The following BCL7A variants were observed in gnomAD, a reference collection of about 807,000 sequenced individuals.
The protein encoded by BCL7A is B-cell CLL/lymphoma 7 protein family member A.
A neutral mutation model predicts 28.4 loss-of-function variants in BCL7A; 11 were observed. That is an observed-to-expected ratio of 0.39 (90% CI 0.24 to 0.64). The LOEUF is 0.64. Ranked by LOEUF, BCL7A falls within the 30% of genes least tolerant of loss-of-function variation. BCL7A has a pLI of 0.50. For missense variants in BCL7A, 222 were observed against 274.8 expected (o/e 0.81, Z 1.36); for synonymous variants, 123 against 103.3 (o/e 1.19, Z -1.15).
At chr12:122,035,266 C>A in intron 2 of BCL7A, 65 bp from the exon 3 acceptor site, 1 of 1,422,916 alleles carries the variant, frequency 7.0e-7, no homozygotes, top group Non-Finnish European at 9.9e-7. Flanking sequence ...TCCCCAGGGG[C>A]TCTGAGCACG....
At chr12:122,038,917 G>A (rs1294972411) in intron 3 of BCL7A, among the ~76,000 whole-genome samples, 2 of 152,078 alleles carry the variant, frequency 1.3e-5, no homozygotes, top group East Asian at 3.8e-4. Flanking sequence ...GCTCACACCT[G>A]TAATCCCAGC....
chr12:122,035,201 C>T (rs1010901303), intron 2 of BCL7A, 130 bp from the exon 3 acceptor site: 1 of 782,050 alleles, frequency 1.3e-6, no homozygotes, highest in Non-Finnish European at 2.1e-6. Context: ...CCAGGAAAAC[C>T]TCCAGAGGCC....
intron 3 of BCL7A, among the ~76,000 whole-genome samples, chr12:122,036,928 C>T (rs1296805236): frequency 2.6e-5 from 4 of 152,092 alleles, no homozygotes; most frequent in East Asian, 1.9e-4. Flanking sequence ...AGGCTGGTCT[C>T]GAACTCCTGG....
rs1275584034 is a variant in BCL7A, at chr12:122,061,235, CA to C, written c.*2073del. 1 of 230,456 alleles carries C rather than the reference CA, an allele frequency of 4.3e-6. No individual in the cohort carries two copies. The highest frequency in any genetic ancestry group is 8.6e-6 in the Non-Finnish European group (1 of 116,396). The allele number at this position is 230,456 out of a possible 1,614,324, so 14.3% of individuals were successfully genotyped here. A position where few individuals can be genotyped will look rare whatever the true frequency, so the allele number is the denominator to read the frequency against. On this transcript the variant is annotated 3_prime_UTR_variant, in exon 6 of 6. Transcript: ENST00000261822. ...AAGACAGCTGAAGGAGAATGAAACA[CA>C]CACATCCACAGAAACAGAGAGGCGT...
intron 1 of BCL7A, among the ~76,000 whole-genome samples, chr12:122,024,223 G>C (rs956208492): frequency 4.6e-5 from 7 of 152,310 alleles, no homozygotes; most frequent in Non-Finnish European, 1.0e-4. Context: ...TCAGGCTTTG[G>C]GATCTCATGG....
At chr12:122,053,988 C>G (rs1884252743) in intron 4 of BCL7A, among the ~76,000 whole-genome samples, 2 of 152,144 alleles carry the variant, frequency 1.3e-5, no homozygotes, top group South Asian at 4.2e-4. Flanking sequence ...TGGGGTGGTC[C>G]CTGGGTGGTG....
chr12:122,054,818 G>A lies in BCL7A; in HGVS notation c.453G>A (p.Glu151=), dbSNP rs1233592793. 4.3e-6 allele frequency: 7 copies of A among 1,614,032 alleles called. No individual in the cohort carries two copies. Among genetic ancestry groups the A allele is most frequent in the East Asian group, 4.5e-5 (2 of 44,886 alleles). The change falls in exon 5 of 6, where the codon GAG becomes GAA. Residue 151 remains glutamate (E), a synonymous_variant. Coordinates refer to ENST00000261822, the MANE Select transcript of BCL7A (RefSeq NM_001024808.3). ...CTCTTCCCTCAGATGCTTCTGATGA[G>A]CAGAATTCACAGTCCTCGATGGAAC... The part of the protein sequence containing the change: ...EHPGAEDASD[E]QNSQSSMEHS...
chr12:122,055,137 T>C (rs1022762156), intron 5 of BCL7A: 6 of 1,030,898 alleles, frequency 5.8e-6, no homozygotes, highest in Non-Finnish European at 6.9e-6. Flanking sequence ...ACTTGTGGCC[T>C]CTGCCCTCAA....
chr12:122,024,292 A>C (rs1883561132), intron 1 of BCL7A, among the ~76,000 whole-genome samples: 1 of 151,894 alleles, frequency 6.6e-6, no homozygotes, highest in Admixed American at 6.6e-5. Context: ...CACTTCTCTA[A>C]CCATGGTGAC....
At chr12:122,027,494 C>T (rs967707051) in intron 1 of BCL7A, among the ~76,000 whole-genome samples, 1 of 151,972 alleles carries the variant, frequency 6.6e-6, no homozygotes, top group Non-Finnish European at 1.5e-5. Flanking sequence ...GAGCAGTGAT[C>T]GCACCACCGC....
At chr12:122,028,422 T>G (rs867708986) in intron 1 of BCL7A, among the ~76,000 whole-genome samples, 39 of 152,212 alleles carry the variant, frequency 2.6e-4, no homozygotes, top group Middle Eastern at 3.4e-3. Context: ...CTTTTTTTTT[T>G]TTTTCCCAAA....
In BCL7A at chr12:122,060,389, G is replaced by C; in HGVS notation, c.*1226G>C. 1 of 233,020 alleles carries C rather than the reference G, an allele frequency of 4.3e-6. No homozygotes were observed. The allele number at this position is 233,020 out of a possible 1,614,324, so 14.4% of individuals were successfully genotyped here. A position where few individuals can be genotyped will look rare whatever the true frequency, so the allele number is the denominator to read the frequency against. On this transcript the variant is annotated 3_prime_UTR_variant, in exon 6 of 6. Coordinates refer to ENST00000261822, the MANE Select transcript of BCL7A (RefSeq NM_001024808.3). ...CCTCGAAGGCCACAAACAAGGCGTC[G>C]AGGAATTGGAAAGATTTGCACACCC... is the stretch of plus-strand genomic sequence containing the variant.
At chr12:122,039,018 A>T (rs1023465948) in intron 3 of BCL7A, among the ~76,000 whole-genome samples, 1 of 151,970 alleles carries the variant, frequency 6.6e-6, no homozygotes, top group Admixed American at 6.6e-5. Context: ...CTACAAAAAA[A>T]ACAATAGGTG....
chr12:122,039,127 TCTA>T (rs1883915672), intron 3 of BCL7A, among the ~76,000 whole-genome samples: 1 of 151,640 alleles, frequency 6.6e-6, no homozygotes, highest in Non-Finnish European at 1.5e-5. Flanking sequence ...AAACCCCATC[TCTA>T]CTAAAAATAC....
At chr12:122,050,299 G>C (rs937544855) in intron 4 of BCL7A, among the ~76,000 whole-genome samples, 4 of 88,522 alleles carry the variant, frequency 4.5e-5, no homozygotes, top group Non-Finnish European at 8.0e-5. Context: ...TCTTTATTGT[G>C]GGGGGGGGGC....
At chr12:122,032,761 C>G (rs1883770526) in intron 2 of BCL7A, among the ~76,000 whole-genome samples, 2 of 152,230 alleles carry the variant, frequency 1.3e-5, no homozygotes, top group South Asian at 4.1e-4. Flanking sequence ...ACGGAGAATA[C>G]TTAGCACTGT....
intron 4 of BCL7A, among the ~76,000 whole-genome samples, chr12:122,048,095 G>T (rs1025453216): frequency 6.6e-6 from 1 of 151,776 alleles, no homozygotes; most frequent in African/African-American, 2.4e-5. Flanking sequence ...TAGCGACAGG[G>T]TTTCTCCATG....
chr12:122,027,512 C>T (rs1363743167), intron 1 of BCL7A, among the ~76,000 whole-genome samples: 2 of 152,070 alleles, frequency 1.3e-5, no homozygotes, highest in Admixed American at 6.6e-5. Flanking sequence ...CGCACTCCAG[C>T]CTGGGCAACA....
intron 1 of BCL7A, among the ~76,000 whole-genome samples, chr12:122,022,582 A>C (rs1883490099): frequency 1.4e-5 from 2 of 142,346 alleles, no homozygotes; most frequent in Admixed American, 6.9e-5. Flanking sequence ...CGGGGCCGCG[A>C]TGCCGGCGGC....
Sources: allele counts gnomAD v4.1 joint callset (sites outside exome capture counted in the v4.1 genomes callset), GRCh38; gene constraint gnomAD v4.1.1; transcripts MANE v1.5; gene names NCBI Gene and HGNC (gene_info 2026-07-23, HGNC 2026-07-21).